GLCCI1: variants seen among roughly 807,000 people sequenced by gnomAD.
GLCCI1 encodes glucocorticoid induced 1.
In GLCCI1, 24 loss-of-function variants were observed where a neutral mutation model predicts 52.2. The ratio of observed to expected loss-of-function variants is 0.46; its 90% CI spans 0.33 to 0.65. GLCCI1 has a LOEUF of 0.65. Ranked by LOEUF, GLCCI1 falls within the 30% of genes least tolerant of loss-of-function variation. The pLI is 0.02. For missense variants in GLCCI1, 704 were observed against 701.5 expected, an observed-to-expected ratio of 1.00 and a Z score of -0.04; for synonymous variants, 310 against 276.5, an observed-to-expected ratio of 1.12 and a Z score of -1.20.
intron 3 of GLCCI1, among the ~76,000 whole-genome samples, chr7:8,045,874 A>G (rs919003162): frequency 1.3e-5 from 2 of 152,038 alleles, no homozygotes; most frequent in Non-Finnish European, 2.9e-5. Context: ...GCAAACAAAT[A>G]TCTTAGGAAA....
intron 3 of GLCCI1, among the ~76,000 whole-genome samples, chr7:8,026,895 C>T (rs1781634421): frequency 6.6e-6 from 1 of 152,074 alleles, no homozygotes; most frequent in Non-Finnish European, 1.5e-5. Context: ...GAGAATTCTC[C>T]CAGATCTTTT....
Position 8,052,312 on chromosome 7 carries a change from A to T in GLCCI1, c.697-3121A>T, listed in dbSNP as rs542568267. ...TAGGGCAGGTTATCTTTAAATATTC[A>T]GAGTTTCTAACTATTGAATACAAAT... On this transcript the variant is annotated intron_variant, in intron 3 of 7. Coordinates refer to ENST00000223145, the MANE Select transcript of GLCCI1 (RefSeq NM_138426.4). Among the ~76,000 whole-genome samples, 66 of 152,212 alleles carry T rather than the reference A, an allele frequency of 4.3e-4. 2 individuals are homozygous for T. The highest frequency in any genetic ancestry group is 8.2e-4 in the Non-Finnish European group (56 of 68,026).
At chr7:8,034,507 T>C (rs920364975) in intron 3 of GLCCI1, among the ~76,000 whole-genome samples, 11 of 152,286 alleles carry the variant, frequency 7.2e-5, no homozygotes, top group Non-Finnish European at 1.6e-4. Flanking sequence ...TAAAGAATTC[T>C]TACAAATCAA....
Position 7,969,626 on chromosome 7 carries a change from G to A in GLCCI1, c.276G>A (p.Leu92=). 1 of 1,021,396 alleles carries A rather than the reference G, an allele frequency of 9.8e-7. No individual in the cohort carries two copies. The highest frequency in any genetic ancestry group is 1.2e-6 in the Non-Finnish European group (1 of 857,262). The allele number at this position is 1,021,396 out of a possible 1,614,324, so 63.3% of individuals were successfully genotyped here. ...RPPVAAAAAS[L]GSLPGPGAAR... is the part of the protein sequence containing the mutation. ...CCGTCGCCGCTGCCGCCGCCTCGCT[G>A]GGCAGCCTCCCGGGGCCCGGCGCGG... Residue 92 remains leucine (L), a synonymous_variant, in exon 1 of 8, where the codon CTG becomes CTA. Transcript: ENST00000223145. This position sits in a 1 kb window ranked among gnomAD's most constrained non-coding sequence, Gnocchi z 4.9.
At chr7:7,982,050 G>A (rs1583943831) in intron 1 of GLCCI1, 2 of 466,588 alleles carry the variant, frequency 4.3e-6, no homozygotes, top group East Asian at 1.2e-4. Context: ...AAATGAAAGA[G>A]TAAAAAGAGA....
chr7:7,993,788 G>A (rs75430388), intron 1 of GLCCI1, among the ~76,000 whole-genome samples: 4 of 147,720 alleles, frequency 2.7e-5, no homozygotes, highest in Non-Finnish European at 3.0e-5. Flanking sequence ...GTTACATCCT[G>A]AAAAAAAAAA....
intron 3 of GLCCI1, among the ~76,000 whole-genome samples, chr7:8,050,769 G>A (rs1342706482): frequency 2.6e-5 from 4 of 152,178 alleles, no homozygotes; most frequent in African/African-American, 9.7e-5. Flanking sequence ...AGAGCAGAAT[G>A]TGGAATTCCA....
chr7:8,073,411 G>A (rs1782807053), intron 6 of GLCCI1, among the ~76,000 whole-genome samples: 1 of 151,976 alleles, frequency 6.6e-6, no homozygotes, highest in African/African-American at 2.4e-5. Context: ...CTTTTCCTAA[G>A]TTTGCCTTTG....
chr7:8,056,444 C>T (rs1782399622), intron 4 of GLCCI1, among the ~76,000 whole-genome samples: 1 of 152,182 alleles, frequency 6.6e-6, no homozygotes, highest in South Asian at 2.1e-4. Context: ...TTCCTTTACC[C>T]ATCTTTCTCT....
intron 6 of GLCCI1, among the ~76,000 whole-genome samples, chr7:8,078,378 A>C (rs922009090): frequency 2.0e-5 from 3 of 152,160 alleles, no homozygotes; most frequent in Admixed American, 6.5e-5. Flanking sequence ...TAGGAGGGCA[A>C]GATAAGTAGC....
At chr7:8,044,524 C>A (rs959851363) in intron 3 of GLCCI1, among the ~76,000 whole-genome samples, 1 of 152,112 alleles carries the variant, frequency 6.6e-6, no homozygotes, top group African/African-American at 2.4e-5. Flanking sequence ...GCATATGCCA[C>A]CACACCTGGC....
chr7:8,075,844 GTACAC>G (rs1394587487), intron 6 of GLCCI1, among the ~76,000 whole-genome samples: 2 of 152,190 alleles, frequency 1.3e-5, no homozygotes, highest in Non-Finnish European at 2.9e-5. Context: ...AAGGAACAGT[GTACAC>G]TATGTGGATA....
chr7:8,001,223 A>G (rs576821848), intron 1 of GLCCI1, among the ~76,000 whole-genome samples: 10 of 152,154 alleles, frequency 6.6e-5, no homozygotes, highest in Non-Finnish European at 1.2e-4. Context: ...AGCTCTTGTA[A>G]GGCAGGCCTG....
chr7:8,001,179 G>T (rs1781042844), intron 1 of GLCCI1, among the ~76,000 whole-genome samples: 1 of 152,206 alleles, frequency 6.6e-6, no homozygotes. Flanking sequence ...GCTGGTACCA[G>T]TTGTTCCTTT....
chr7:8,009,273 A>C (rs113549752), intron 2 of GLCCI1, among the ~76,000 whole-genome samples: 4 of 152,216 alleles, frequency 2.6e-5, no homozygotes, highest in Non-Finnish European at 5.9e-5. Context: ...AGGTTACTAT[A>C]ATAAAACAGT....
At chr7:8,014,249 G>A (rs972686836) in intron 2 of GLCCI1, among the ~76,000 whole-genome samples, 8 of 151,992 alleles carry the variant, frequency 5.3e-5, no homozygotes, top group African/African-American at 1.7e-4. Context: ...CACCCATCTC[G>A]GCCTCCCAAA....
Position 7,969,403 on chromosome 7 carries a change from C to A in GLCCI1, c.53C>A (p.Pro18His), listed in dbSNP as rs755986561. The A allele has an allele frequency of 6.3e-6, 9 of 1,424,704 alleles. No individual in the cohort carries two copies. In the East Asian group the frequency reaches 2.4e-4, roughly 39 times the overall value. The allele number at this position is 1,424,704 out of a possible 1,614,324, so 88.3% of individuals were successfully genotyped here. ...SSSSSSQTPH[P>H]PSQRMRRSAA... ...TCCAGTTCCTCTCAGACCCCTCATC[C>A]CCCGTCGCAGAGGATGAGGCGCAGC... The change falls in exon 1 of 8, where the codon CCC becomes CAC. Residue 18 changes from proline (P) to histidine (H), a missense_variant. Pro to His is a moderately conservative substitution (Grantham distance 77). Coordinates refer to ENST00000223145, the MANE Select transcript of GLCCI1 (RefSeq NM_138426.4). The surrounding 1 kb of genome is among the most constrained non-coding windows in gnomAD (Gnocchi z 4.9).
Position 8,086,447 on chromosome 7 carries a change from CCT to C in GLCCI1, c.1556_1557del (p.Ser519CysfsTer17). The C allele has an allele frequency of 8.1e-6, 13 of 1,614,142 alleles. No homozygotes were observed. Among genetic ancestry groups the C allele is most frequent in the Non-Finnish European group, 1.1e-5 (13 of 1,180,040 alleles). On this transcript the variant is annotated frameshift_variant, in exon 8 of 8. Transcript: ENST00000223145. LOFTEE classifies it high-confidence loss of function. The surrounding 1 kb of genome is among the most constrained non-coding windows in gnomAD (Gnocchi z 4.4). ...ACCAGCACAGCGGGCTCCATGGAGG[CCT>C]CTGTCCAGCAGCCATCCCAGCAGCA...
At chr7:8,055,340 G>GT (rs1782361291) in intron 3 of GLCCI1, 93 bp from the exon 4 acceptor site, 1 of 644,328 alleles carries the variant, frequency 1.6e-6, no homozygotes. Flanking sequence ...ACTTGAAAAT[G>GT]TTTTAATCAG....
Sources: allele counts gnomAD v4.1 joint callset (sites outside exome capture counted in the v4.1 genomes callset), GRCh38; gene constraint gnomAD v4.1.1; non-coding constraint Gnocchi (gnomAD v3.1); transcripts MANE v1.5; gene names NCBI Gene and HGNC (gene_info 2026-07-23, HGNC 2026-07-21).